The following RPL7L1 variants were observed in gnomAD, a reference collection of about 807,000 sequenced individuals.
RPL7L1 encodes ribosomal protein uL30-like.
In RPL7L1, 20 loss-of-function variants were observed where a neutral mutation model predicts 30.3. That is an observed-to-expected ratio of 0.66 (90% CI 0.46 to 0.96). RPL7L1 has a LOEUF of 0.96. Among genes scored for constraint, RPL7L1 ranks in the 40% least tolerant of loss-of-function variants. The pLI is 0.00. For missense variants in RPL7L1, 271 were observed against 314.9 expected, an observed-to-expected ratio of 0.86 and a Z score of 1.05; for synonymous variants, 107 against 110.1, an observed-to-expected ratio of 0.97 and a Z score of 0.18.
Position 42,883,626 on chromosome 6 carries a change from G to C in RPL7L1, c.311+12G>C. ...GTACGCATCGAAAGGTAAGGAACTG[G>C]TGTCTTTCTAATTGCATGAGGCTGG... On this transcript the variant is annotated intron_variant, in intron 3 of 5. Transcript: ENST00000493763. 1 of 1,569,110 alleles carries C rather than the reference G, an allele frequency of 6.4e-7. No individual in the cohort carries two copies.
chr6:42,881,519 C>T (rs1766080669), intron 2 of RPL7L1: 1 of 152,000 alleles, frequency 6.6e-6, no homozygotes, highest in Admixed American at 6.6e-5. Flanking sequence ...ATAATCTATA[C>T]TCCTTCCGCC....
chr6:42,886,832 A>T lies in RPL7L1; in HGVS notation c.*368A>T. The T allele has an allele frequency of 5.2e-6, 1 of 191,844 alleles. No homozygotes were observed. 11.9% of individuals were successfully genotyped at this position (191,844 alleles called of 1,614,324 possible). On this transcript the variant is annotated 3_prime_UTR_variant, in exon 6 of 6. Transcript: ENST00000493763. ...AACATGGTGAAACCCTGTCTCTACT[A>T]AAAATACAAAAATGAGCTGGGTGTG...
chr6:42,885,837 G>C (rs1008065612), intron 4 of RPL7L1, 137 bp from the exon 5 acceptor site: 1 of 608,000 alleles, frequency 1.6e-6, no homozygotes. Context: ...ATTTCAGCTG[G>C]AATGTGATTG....
intron 1 of RPL7L1, 101 bp from the exon 2 acceptor site, chr6:42,880,760 A>C (rs2114076177): frequency 1.6e-6 from 1 of 613,368 alleles, no homozygotes; most frequent in South Asian, 1.8e-5. Context: ...TAATCCACCC[A>C]CCTCGGCCTC....
intron 5 of RPL7L1, 83 bp downstream of exon 5, chr6:42,886,166 C>T (rs770641900): frequency 4.2e-6 from 6 of 1,424,264 alleles, no homozygotes; most frequent in South Asian, 2.3e-5. Flanking sequence ...TTGTATTCTT[C>T]TTGGGGCCCC....
Position 42,886,379 on chromosome 6 carries a change from A to G in RPL7L1, c.683A>G (p.Lys228Arg), listed in dbSNP as rs760670367. ...CTCTCAGTGGCCCGTCATGCTACCA[A>G]AAATAGAGTGGGCTTCCTCAAGGAG... The part of the protein sequence containing the change: ...FHLSVARHAT[K>R]NRVGFLKEMG... Residue 228 changes from lysine to arginine, a missense_variant, in exon 6 of 6, where the codon AAA becomes AGA. Physicochemically the swap from Lys to Arg is conservative, Grantham distance 26 (BLOSUM62 2). Coordinates refer to ENST00000493763, the MANE Select transcript of RPL7L1 (RefSeq NM_001366481.3). 2.0e-5 allele frequency: 32 copies of G among 1,599,710 alleles called. No individual in the cohort carries two copies. Among genetic ancestry groups the G allele is most frequent in the African/African-American group, 2.7e-5 (2 of 74,756 alleles).
chr6:42,886,143 T>A, intron 5 of RPL7L1, 60 bp downstream of exon 5: 1 of 1,379,710 alleles, frequency 7.2e-7, no homozygotes, highest in East Asian at 2.3e-5. Context: ...GAAGCTTTGA[T>A]GTGAGATTCA....
Position 42,888,093 on chromosome 6 carries a change from A to C in RPL7L1, c.*1629A>C, listed in dbSNP as rs1422205895. 1 of 151,778 alleles carries C rather than the reference A, an allele frequency of 6.6e-6. No individual in the cohort carries two copies. The highest frequency in any genetic ancestry group is 2.4e-5 in the African/African-American group (1 of 41,278). The allele number at this position is 151,778 out of a possible 1,614,324, so 9.4% of individuals were successfully genotyped here. ...CCCTTCGCCAGGAAAACATGTATAC[A>C]CTCAAAATTTTGCTTGCAGTTCTAG... is the stretch of plus-strand genomic sequence containing the variant. On this transcript the variant is annotated 3_prime_UTR_variant, in exon 6 of 6. Coordinates refer to ENST00000493763, the MANE Select transcript of RPL7L1 (RefSeq NM_001366481.3).
At position 42,888,675 on chromosome 6, in the gene RPL7L1, C is replaced by T. The variant is rs936557897; in HGVS notation, c.*2211C>T. ...TTCAGAATAGAATTGCCTGGTTTCTCTGATGATCAGCATGGTTCCTTAAAA... is the reference window on the plus strand; with the variant it reads ...TTCAGAATAGAATTGCCTGGTTTCTTTGATGATCAGCATGGTTCCTTAAAA... On this transcript the variant is annotated 3_prime_UTR_variant, in exon 6 of 6. Transcript: ENST00000493763. The T allele has an allele frequency of 6.6e-6, 1 of 152,310 alleles. No homozygotes were observed. Among genetic ancestry groups the T allele is most frequent in the Non-Finnish European group, 1.5e-5 (1 of 68,120 alleles). 9.4% of individuals were successfully genotyped at this position (152,310 alleles called of 1,614,324 possible).
At chr6:42,881,097 C>A in intron 2 of RPL7L1, 131 bp downstream of exon 2, 1 of 636,500 alleles carries the variant, frequency 1.6e-6, no homozygotes, top group Non-Finnish European at 2.8e-6. Flanking sequence ...AGTTGTCTCT[C>A]AGTGTCCTTA....
intron 3 of RPL7L1, chr6:42,883,911 A>G (rs535058174): frequency 1.5e-4 from 27 of 184,112 alleles, no homozygotes; most frequent in Middle Eastern, 4.4e-3. Flanking sequence ...GTGTTGGGAG[A>G]TTTTTCAGGC....
At chr6:42,884,291 C>G (rs1385112573) in intron 3 of RPL7L1, among the ~76,000 whole-genome samples, 1 of 152,194 alleles carries the variant, frequency 6.6e-6, no homozygotes, top group Non-Finnish European at 1.5e-5. Flanking sequence ...GGTCTGGTCT[C>G]TTCTGCTTAA....
Position 42,880,071 on chromosome 6 carries a change from A to G in RPL7L1, c.41+120A>G, listed in dbSNP as rs149171292. On this transcript the variant is annotated intron_variant, in intron 1 of 5. Coordinates refer to ENST00000493763, the MANE Select transcript of RPL7L1 (RefSeq NM_001366481.3). ...CTAGGAATAGAAAAGGCCACAGTTT[A>G]CAAAGGGTGGGGGTGAGGAGGAGTA... The G allele has an allele frequency of 3.3e-4, 342 of 1,027,300 alleles. No homozygotes were observed. The African/African-American group carries it at 4.3e-3, about 13-fold the overall frequency. The allele number at this position is 1,027,300 out of a possible 1,614,324, so 63.6% of individuals were successfully genotyped here.
chr6:42,883,481 C>T lies in RPL7L1; in HGVS notation c.178C>T (p.Arg60Ter), dbSNP rs1235048977. The T allele has an allele frequency of 2.5e-6, 4 of 1,598,924 alleles. No homozygotes were observed. Among genetic ancestry groups the T allele is most frequent in the Non-Finnish European group, 3.4e-6 (4 of 1,173,416 alleles). ...QKKGKGLRFKRLESFLHDSWR... is the reference protein window; with the variant it reads ...QKKGKGLRFK ...GAAAGGAAAAGGGCTCAGGTTTAAG[C>T]GACTGGAATCATTCCTACATGATTC... Residue 60 changes from arginine (R) to a stop codon, truncating the protein, a stop_gained, in exon 3 of 6, where the codon CGA becomes TGA. Coordinates refer to ENST00000493763, the MANE Select transcript of RPL7L1 (RefSeq NM_001366481.3). LOFTEE classifies it high-confidence loss of function.
chr6:42,883,660 G>A (rs766097311), intron 3 of RPL7L1, 46 bp downstream of exon 3: 6 of 1,494,746 alleles, frequency 4.0e-6, no homozygotes, highest in Non-Finnish European at 5.4e-6. Flanking sequence ...GGGGCAAAGT[G>A]TTGCTTAAGC....
intron 2 of RPL7L1, chr6:42,883,099 A>G (rs1400391905): frequency 1.2e-5 from 2 of 164,484 alleles, no homozygotes; most frequent in African/African-American, 4.8e-5. Context: ...GGTTGGTTGA[A>G]TCACAGATGC....
Position 42,889,338 on chromosome 6 carries a change from G to C in RPL7L1, c.*2874G>C, listed in dbSNP as rs1435344360. ...GCCTGTAATCCCAGCTACTTGGGAG[G>C]CTGAGGCAAGAGAATTGCTTGAACC... is the stretch of plus-strand genomic sequence containing the variant. On this transcript the variant is annotated 3_prime_UTR_variant, in exon 6 of 6. Transcript: ENST00000493763. 6.6e-6 allele frequency: 1 copy of C among 152,136 alleles called. No individual in the cohort carries two copies. Among genetic ancestry groups the C allele is most frequent in the Non-Finnish European group, 1.5e-5 (1 of 68,094 alleles). The allele number at this position is 152,136 out of a possible 1,614,324, so 9.4% of individuals were successfully genotyped here. A position where few individuals can be genotyped will look rare whatever the true frequency, so the allele number is the denominator to read the frequency against.
intron 2 of RPL7L1, chr6:42,881,215 C>T: frequency 4.2e-6 from 1 of 240,878 alleles, no homozygotes; most frequent in South Asian, 4.9e-5. Context: ...CCTGTAATCC[C>T]TGCACTTTGG....
rs372171526 is a variant in RPL7L1 at position 42,885,977 on chromosome 6, T to G, written c.453T>G (p.Phe151Leu). 38 of 1,585,404 alleles carry G rather than the reference T, an allele frequency of 2.4e-5. No individual in the cohort carries two copies. The African/African-American group carries it at 5.0e-4, about 21-fold the overall frequency. Residue 151 changes from phenylalanine to leucine, a missense_variant, in exon 5 of 6, where the codon TTT becomes TTG. Coordinates refer to ENST00000493763, the MANE Select transcript of RPL7L1 (RefSeq NM_001366481.3). ...RIVEPYVTWG[F>L]PNLKSVRELI... The stretch of plus-strand genomic sequence containing the variant: ...CGTGCTTTATTTTCCTACATAGATT[T>G]CCAAATCTGAAGTCTGTCCGAGAAC...
Sources: allele counts gnomAD v4.1 joint callset (sites outside exome capture counted in the v4.1 genomes callset), GRCh38; gene constraint gnomAD v4.1.1; transcripts MANE v1.5; gene names NCBI Gene and HGNC (gene_info 2026-07-23, HGNC 2026-07-21).